ARHGAP15: variants seen among roughly 807,000 people sequenced by gnomAD.
ARHGAP15 encodes the protein rho GTPase-activating protein 15.
In ARHGAP15, 51 loss-of-function variants were observed where a neutral mutation model predicts 63.7. The observed-to-expected ratio is 0.80, with a 90% CI of 0.64 to 1.01. The LOEUF (loss-of-function observed/expected upper bound fraction) is 1.01, where lower values mean the gene tolerates loss of function less well. Among genes scored for constraint, ARHGAP15 ranks in the 50% least tolerant of loss-of-function variants. The pLI is 0.00. For synonymous variants in ARHGAP15, 191 were observed against 193.8 expected (o/e 0.99, Z 0.12); for missense variants, 560 against 564.6 (o/e 0.99, Z 0.08).
At chr2:143,370,952 G>C (rs1686522672) in intron 6 of ARHGAP15, among the ~76,000 whole-genome samples, 1 of 152,088 alleles carries the variant, frequency 6.6e-6, no homozygotes, top group African/African-American at 2.4e-5. Flanking sequence ...TCTCCTTTGA[G>C]ACCACTTGGA....
intron 6 of ARHGAP15, among the ~76,000 whole-genome samples, chr2:143,252,889 C>T (rs1268084595): frequency 6.6e-6 from 1 of 152,006 alleles, no homozygotes; most frequent in Non-Finnish European, 1.5e-5. Flanking sequence ...GTCGAACTCT[C>T]AAATGATCAG....
intron 6 of ARHGAP15, among the ~76,000 whole-genome samples, chr2:143,429,463 G>A (rs1043742913): frequency 3.3e-5 from 5 of 151,970 alleles, no homozygotes; most frequent in Non-Finnish European, 7.4e-5. Flanking sequence ...TTAGATTTTG[G>A]AATGTACTGG....
At chr2:143,187,253 AG>A in intron 2 of ARHGAP15, among the ~76,000 whole-genome samples, 1 of 152,292 alleles carries the variant, frequency 6.6e-6, no homozygotes, top group East Asian at 1.9e-4. Context: ...AAAGACCAAG[AG>A]GAAGCCAAGG....
chr2:143,165,263 G>A (rs750202713), intron 2 of ARHGAP15, among the ~76,000 whole-genome samples: 8 of 152,046 alleles, frequency 5.3e-5, no homozygotes, highest in Non-Finnish European at 8.8e-5. Context: ...AGAAACCAGT[G>A]CTGTTCTTGC....
At chr2:143,462,628 G>A (rs557264204) in intron 8 of ARHGAP15, among the ~76,000 whole-genome samples, 1 of 152,292 alleles carries the variant, frequency 6.6e-6, no homozygotes, top group Admixed American at 6.5e-5. Context: ...TAAAATCAAA[G>A]CCATGTGCAT....
At position 143,155,675 on chromosome 2, in the gene ARHGAP15, T is replaced by C; in HGVS notation, c.165+20T>C. 6.5e-7 allele frequency: 1 copy of C among 1,527,352 alleles called. No individual in the cohort carries two copies. The highest frequency in any genetic ancestry group is 8.8e-7 in the Non-Finnish European group (1 of 1,142,076). 94.6% of individuals were successfully genotyped at this position (1,527,352 alleles called of 1,614,324 possible). On this transcript the variant is annotated intron_variant, in intron 2 of 13. Transcript: ENST00000295095. ...GAACCTGTAAGTCAAATACCCCAAA[T>C]ATCCCAAGTTCCTTGTCATACAGAA...
At chr2:143,308,979 G>C (rs1361422531) in intron 6 of ARHGAP15, among the ~76,000 whole-genome samples, 1 of 134,980 alleles carries the variant, frequency 7.4e-6, no homozygotes, top group East Asian at 2.1e-4. Context: ...TATATTTTAA[G>C]AAAAGAAAAG....
chr2:143,235,827 C>T (rs376805310), intron 5 of ARHGAP15: 4 of 1,225,118 alleles, frequency 3.3e-6, no homozygotes, highest in East Asian at 2.9e-5. Context: ...CCTTGACTCA[C>T]ACTCCTTGTA....
intron 6 of ARHGAP15, among the ~76,000 whole-genome samples, chr2:143,349,015 A>G (rs1366284916): frequency 3.3e-5 from 5 of 152,192 alleles, no homozygotes; most frequent in African/African-American, 1.2e-4. Flanking sequence ...TACTGGAAGG[A>G]ATGAAATAAC....
In ARHGAP15 at chr2:143,134,565, C is replaced by T. The variant is rs960068825; in HGVS notation, c.-15+5099C>T. Reference sequence around the variant, plus strand: ...TTAGTGACTTTAGTGACACTCAAGCCTTGGAGTGAGATGTCAAAGGAAGCA... The same window carrying T: ...TTAGTGACTTTAGTGACACTCAAGCTTTGGAGTGAGATGTCAAAGGAAGCA... On this transcript the variant is annotated intron_variant, in intron 1 of 13. Coordinates refer to ENST00000295095, the MANE Select transcript of ARHGAP15 (RefSeq NM_018460.4). 4.6e-5 allele frequency among the ~76,000 whole-genome samples: 7 copies of T among 151,958 alleles called. No homozygotes were observed. In the South Asian group the frequency reaches 1.2e-3, roughly 27 times the overall value.
At chr2:143,738,648 T>C (rs1685845940) in intron 13 of ARHGAP15, among the ~76,000 whole-genome samples, 2 of 152,210 alleles carry the variant, frequency 1.3e-5, no homozygotes, top group African/African-American at 4.8e-5. Flanking sequence ...TAATTACTTT[T>C]GGTGAGAAAA....
intron 8 of ARHGAP15, among the ~76,000 whole-genome samples, chr2:143,466,565 A>G (rs1302432785): frequency 1.3e-5 from 2 of 152,080 alleles, no homozygotes; most frequent in African/African-American, 2.4e-5. Context: ...CTCCTAGTCC[A>G]ATACTCATAA....
chr2:143,664,590 A>G (rs1469625823), intron 12 of ARHGAP15, among the ~76,000 whole-genome samples: 12 of 151,464 alleles, frequency 7.9e-5, no homozygotes, highest in African/African-American at 1.9e-4. Context: ...AAGGAAATAG[A>G]GACACAAAAA....
intron 10 of ARHGAP15, among the ~76,000 whole-genome samples, chr2:143,538,288 A>G (rs531984505): frequency 3.3e-5 from 5 of 152,258 alleles, no homozygotes; most frequent in South Asian, 2.1e-4. Flanking sequence ...GGCTGAGACA[A>G]TGGGGTTTTC....
intron 5 of ARHGAP15, chr2:143,236,049 A>G (rs1693630125): frequency 6.7e-7 from 1 of 1,492,800 alleles, no homozygotes; most frequent in Admixed American, 2.4e-5. Context: ...TGCATCATAG[A>G]GAAGAAGCTC....
intron 2 of ARHGAP15, chr2:143,162,545 T>C (rs1426123320): frequency 2.6e-5 from 4 of 151,972 alleles, no homozygotes; most frequent in Non-Finnish European, 5.9e-5. Flanking sequence ...CATCTTAGTT[T>C]AGACATAAAG....
chr2:143,655,549 G>C (rs1559106021), intron 12 of ARHGAP15, among the ~76,000 whole-genome samples: 1 of 152,106 alleles, frequency 6.6e-6, no homozygotes, highest in Non-Finnish European at 1.5e-5. Context: ...CATGAAGCCT[G>C]GCACTGTTAA....
chr2:143,582,834 C>A (rs570425973), intron 11 of ARHGAP15, among the ~76,000 whole-genome samples: 87 of 152,322 alleles, frequency 5.7e-4, no homozygotes, highest in Non-Finnish European at 1.1e-3. Flanking sequence ...GAGGAGGAGA[C>A]AATACTTCAA....
chr2:143,600,843 A>G (rs1194392212), intron 11 of ARHGAP15, among the ~76,000 whole-genome samples: 1 of 152,176 alleles, frequency 6.6e-6, no homozygotes, highest in Admixed American at 6.6e-5. Context: ...TTTATCTTTC[A>G]TTGTATTTTT....
Sources: allele counts gnomAD v4.1 joint callset (sites outside exome capture counted in the v4.1 genomes callset), GRCh38; gene constraint gnomAD v4.1.1; transcripts MANE v1.5; gene names NCBI Gene and HGNC (gene_info 2026-07-23, HGNC 2026-07-21).